MACROD2: variants seen among roughly 807,000 people sequenced by gnomAD.
The protein encoded by MACROD2 is ADP-ribose glycohydrolase MACROD2.
In MACROD2, 36 loss-of-function variants were observed where a neutral mutation model predicts 70.4. The observed-to-expected ratio is 0.51, with a 90% CI of 0.39 to 0.68. MACROD2 has a LOEUF of 0.68. Ranked by LOEUF, MACROD2 falls within the 30% of genes least tolerant of loss-of-function variation. The pLI is 0.00. For synonymous variants in MACROD2, 172 were observed against 178.8 expected, an observed-to-expected ratio of 0.96 and a Z score of 0.30; for missense variants, 496 against 538.4, an observed-to-expected ratio of 0.92 and a Z score of 0.78.
intron 5 of MACROD2, among the ~76,000 whole-genome samples, chr20:15,120,615 A>G (rs891849408): frequency 1.3e-5 from 2 of 152,200 alleles, no homozygotes; most frequent in African/African-American, 2.4e-5. Flanking sequence ...TTCTATACAC[A>G]GACAGTATAT....
chr20:14,094,624 A>G (rs1275698729), intron 3 of MACROD2, among the ~76,000 whole-genome samples: 2 of 152,172 alleles, frequency 1.3e-5, no homozygotes, highest in Admixed American at 1.3e-4. Context: ...CCTTAGCTAT[A>G]CAGCCATAAC....
chr20:14,967,225 CT>C (rs1223260935), intron 5 of MACROD2, among the ~76,000 whole-genome samples: 3 of 152,132 alleles, frequency 2.0e-5, no homozygotes, highest in Admixed American at 2.0e-4. Context: ...CGGAGTCTCT[CT>C]CTGACACCCA....
At chr20:14,225,062 G>A (rs2081719459) in intron 3 of MACROD2, among the ~76,000 whole-genome samples, 1 of 152,176 alleles carries the variant, frequency 6.6e-6, no homozygotes, top group South Asian at 2.1e-4. Context: ...CAGGTTGTAG[G>A]TCAGATGGGT....
chr20:14,990,520 T>G (rs1409101799), intron 5 of MACROD2, among the ~76,000 whole-genome samples: 1 of 148,502 alleles, frequency 6.7e-6, no homozygotes, highest in East Asian at 2.0e-4. Context: ...TTTTTCTTTT[T>G]TTTTTTTTTT....
intron 8 of MACROD2, among the ~76,000 whole-genome samples, chr20:15,676,032 A>T (rs1481544362): frequency 6.6e-6 from 1 of 152,238 alleles, no homozygotes; most frequent in Admixed American, 6.5e-5. Context: ...TACAGATGTT[A>T]TACAATGAAG....
rs1382309839 is a variant in MACROD2 at position 15,204,534 on chromosome 20, CCCTTA to C, written c.419-25401_419-25397del. ...GTACCTGGCCTATTATAATTTTCAG[CCCTTA>C]CCTTGTGCAACTCTTGAAATTAAAA... is the stretch of plus-strand genomic sequence containing the variant. On this transcript the variant is annotated intron_variant, in intron 5 of 17. Transcript: ENST00000684519. Among the ~76,000 whole-genome samples the C allele has an allele frequency of 5.3e-5, 8 of 152,046 alleles. No individual in the cohort carries two copies. The East Asian group carries it at 5.8e-4, about 11-fold the overall frequency.
intron 5 of MACROD2, among the ~76,000 whole-genome samples, chr20:14,867,090 G>A (rs1032912663): frequency 2.9e-4 from 44 of 152,204 alleles, no homozygotes; most frequent in African/African-American, 1.0e-3. Context: ...CTCAAGGATC[G>A]TGTTTAGGTG....
chr20:14,755,687 G>A (rs2071931362), intron 5 of MACROD2, among the ~76,000 whole-genome samples: 1 of 151,958 alleles, frequency 6.6e-6, no homozygotes, highest in Admixed American at 6.6e-5. Context: ...ACTGTTGATG[G>A]TGAGAACTGA....
At position 14,610,876 on chromosome 20, in the gene MACROD2, A is replaced by G. The variant is rs541309372; in HGVS notation, c.302-73967A>G. ...CTTTGTCATTATTAAGGTATACTCG[A>G]TAATGATGTTAGCTTGGTTTATAAT... On this transcript the variant is annotated intron_variant, in intron 4 of 17. Coordinates refer to ENST00000684519, the MANE Select transcript of MACROD2 (RefSeq NM_001351661.2). Among the ~76,000 whole-genome samples the G allele has an allele frequency of 7.9e-5, 12 of 152,262 alleles. No homozygotes were observed. The South Asian group carries it at 2.5e-3, about 32-fold the overall frequency.
chr20:14,547,477 A>G (rs932286731), intron 4 of MACROD2: 1 of 184,360 alleles, frequency 5.4e-6, no homozygotes, highest in Non-Finnish European at 1.2e-5. Flanking sequence ...CTGAGCTGCA[A>G]ATCGAGTCTG....
At chr20:15,606,476 C>G (rs1482518110) in intron 8 of MACROD2, among the ~76,000 whole-genome samples, 1 of 152,216 alleles carries the variant, frequency 6.6e-6, no homozygotes, top group East Asian at 1.9e-4. Context: ...GGGCTTGTTA[C>G]TTCTTTAACC....
chr20:14,700,516 TATG>T (rs1340734076), intron 5 of MACROD2, among the ~76,000 whole-genome samples: 5 of 134,904 alleles, frequency 3.7e-5, no homozygotes, highest in Non-Finnish European at 7.8e-5. Context: ...AGTTAAGACA[TATG>T]GTGGTGTGTG....
At chr20:15,716,042 A>G (rs1312126159) in intron 8 of MACROD2, among the ~76,000 whole-genome samples, 3 of 152,210 alleles carry the variant, frequency 2.0e-5, no homozygotes, top group African/African-American at 7.2e-5. Flanking sequence ...ACATTATAAT[A>G]GCACAGAAGG....
chr20:15,824,032 A>AG (rs2063969756), intron 8 of MACROD2, among the ~76,000 whole-genome samples: 1 of 152,232 alleles, frequency 6.6e-6, no homozygotes, highest in Non-Finnish European at 1.5e-5. Flanking sequence ...GTAATTGGAT[A>AG]GACCAGAGGG....
rs2082733044 is a variant in MACROD2, at chr20:14,326,263, A to G, written c.272-167216A>G. On this transcript the variant is annotated intron_variant, in intron 3 of 17. Coordinates refer to ENST00000684519, the MANE Select transcript of MACROD2 (RefSeq NM_001351661.2). This position sits in a 1 kb window ranked among gnomAD's most constrained non-coding sequence, Gnocchi z 5.5. ...AATGGTATCAGAGGTGACAGACTTC[A>G]CAGTAATTGTAATTGTTTTTCTTGA... 1 of 1,613,828 alleles carries G rather than the reference A, an allele frequency of 6.2e-7. No homozygotes were observed. Among genetic ancestry groups the G allele is most frequent in the African/African-American group, 1.3e-5 (1 of 74,910 alleles).
intron 8 of MACROD2, among the ~76,000 whole-genome samples, chr20:15,560,656 G>A (rs531344510): frequency 3.3e-5 from 5 of 151,240 alleles, no homozygotes; most frequent in East Asian, 2.0e-4. Flanking sequence ...CCAGTGACTC[G>A]GGAGGCTGAG....
chr20:15,077,054 A>T (rs2075663856), intron 5 of MACROD2, among the ~76,000 whole-genome samples: 1 of 152,198 alleles, frequency 6.6e-6, no homozygotes, highest in Admixed American at 6.5e-5. Flanking sequence ...AGTTAGCCAG[A>T]ATAGGGAGCA....
intron 3 of MACROD2, among the ~76,000 whole-genome samples, chr20:14,137,188 G>A (rs2054809900): frequency 6.6e-6 from 1 of 152,144 alleles, no homozygotes; most frequent in South Asian, 2.1e-4. Flanking sequence ...CTAGCTTACT[G>A]TTGACCTCCA....
At chr20:15,423,328 G>A (rs946510401) in intron 6 of MACROD2, among the ~76,000 whole-genome samples, 2 of 152,122 alleles carry the variant, frequency 1.3e-5, no homozygotes, top group African/African-American at 2.4e-5. Context: ...CTCCTCCAAA[G>A]ACAGGAATTT....
Sources: allele counts gnomAD v4.1 joint callset (sites outside exome capture counted in the v4.1 genomes callset), GRCh38; gene constraint gnomAD v4.1.1; non-coding constraint Gnocchi (gnomAD v3.1); transcripts MANE v1.5; gene names NCBI Gene and HGNC (gene_info 2026-07-23, HGNC 2026-07-21).